The following STAP1 variants were observed in gnomAD, a reference collection of about 807,000 sequenced individuals.
STAP1 encodes signal-transducing adaptor protein 1.
In STAP1, 30 loss-of-function variants were observed where a neutral mutation model predicts 37.8. The observed-to-expected ratio is 0.79, with a 90% CI of 0.59 to 1.08. The LOEUF (loss-of-function observed/expected upper bound fraction) is 1.08, where lower values mean the gene tolerates loss of function less well. Among genes scored for constraint, STAP1 ranks in the 50% least tolerant of loss-of-function variants. The probability of loss-of-function intolerance (pLI) is 0.00; values close to 1 mark genes in which losing one functional copy is unlikely to be tolerated. For missense variants in STAP1, 357 were observed against 349.4 expected, an observed-to-expected ratio of 1.02 and a Z score of -0.17; for synonymous variants, 130 against 116.0, an observed-to-expected ratio of 1.12 and a Z score of -0.78.
chr4:67,558,965 T>C (rs1320836966), intron 1 of STAP1, 36 bp downstream of exon 1: 1 of 1,523,166 alleles, frequency 6.6e-7, no homozygotes, highest in African/African-American at 1.4e-5. Context: ...ACCTAAGACT[T>C]CTGTTTTAAT....
chr4:67,592,191 G>A (rs531346400), intron 7 of STAP1, among the ~76,000 whole-genome samples: 90 of 152,016 alleles, frequency 5.9e-4, no homozygotes, highest in African/African-American at 2.1e-3. Flanking sequence ...GCTGTTCACA[G>A]GCACAATCAT....
intron 4 of STAP1, among the ~76,000 whole-genome samples, chr4:67,577,651 CT>C (rs71219058): frequency 2.3e-4 from 21 of 91,576 alleles, no homozygotes; most frequent in African/African-American, 5.6e-4. Context: ...TTCTTTCTTT[CT>C]TTTTTTTTTT....
At chr4:67,601,782 A>G (rs746484699) in intron 8 of STAP1, among the ~76,000 whole-genome samples, 2 of 152,040 alleles carry the variant, frequency 1.3e-5, no homozygotes, top group Non-Finnish European at 2.9e-5. Flanking sequence ...TAATTTCTTT[A>G]TCCCATCCTT....
intron 8 of STAP1, among the ~76,000 whole-genome samples, chr4:67,601,540 C>T (rs1242435927): frequency 6.6e-6 from 1 of 152,172 alleles, no homozygotes; most frequent in African/African-American, 2.4e-5. Context: ...TAGGACAGGT[C>T]TGGTATTGAT....
rs1156670262 is a variant in STAP1 at position 67,606,901 on chromosome 4, T to A, written c.*544T>A. The A allele has an allele frequency of 6.6e-6, 1 of 152,224 alleles. No individual in the cohort carries two copies. Among genetic ancestry groups the A allele is most frequent in the South Asian group, 2.1e-4 (1 of 4,834 alleles). The allele number at this position is 152,224 out of a possible 1,614,324, so 9.4% of individuals were successfully genotyped here. The stretch of plus-strand genomic sequence containing the variant: ...ATAAATGTCTTCATTCCCATGTTTT[T>A]CCCTGGTGTCATCTTTTTGCCACTC... On this transcript the variant is annotated 3_prime_UTR_variant, in exon 9 of 9. Coordinates refer to ENST00000265404, the MANE Select transcript of STAP1 (RefSeq NM_012108.4).
At chr4:67,588,705 G>A (rs1302369489) in intron 6 of STAP1, among the ~76,000 whole-genome samples, 1 of 152,084 alleles carries the variant, frequency 6.6e-6, no homozygotes, top group African/African-American at 2.4e-5. Context: ...CACTGCGCCC[G>A]GCCAATATGA....
rs142241976 is a variant in STAP1, at chr4:67,597,691, T to C, written c.826+4335T>C. Reference sequence around the variant, plus strand: ...TGTGAGACATGGAGTCAAAGAAGATTATTTTGGAGCTTTAAGATTTAATAA... The same window carrying C: ...TGTGAGACATGGAGTCAAAGAAGATCATTTTGGAGCTTTAAGATTTAATAA... On this transcript the variant is annotated intron_variant, in intron 8 of 8. Transcript: ENST00000265404. Among the ~76,000 whole-genome samples the C allele has an allele frequency of 5.6e-3, 848 of 152,312 alleles. 8 individuals carry two copies. The highest frequency in any genetic ancestry group is 0.019 in the African/African-American group (792 of 41,556).
intron 6 of STAP1, among the ~76,000 whole-genome samples, chr4:67,586,080 AG>A (rs1369020173): frequency 5.9e-5 from 9 of 152,064 alleles, no homozygotes; most frequent in Non-Finnish European, 1.2e-4. Flanking sequence ...GGTCAGATTG[AG>A]TGGTTGATAC....
intron 1 of STAP1, among the ~76,000 whole-genome samples, chr4:67,568,754 G>A (rs6826522): frequency 0.57 from 86,818 of 151,490 alleles, 25,675 homozygotes; most frequent in Non-Finnish European, 0.63. Flanking sequence ...CTGAACCCCA[G>A]CTATGAGCCA....
chr4:67,587,671 A>G (rs1006825741), intron 6 of STAP1, among the ~76,000 whole-genome samples: 5 of 152,078 alleles, frequency 3.3e-5, no homozygotes, highest in African/African-American at 1.2e-4. Context: ...TCAGAAGCTA[A>G]GAACAAGTAT....
chr4:67,566,211 G>A (rs1249080817), intron 1 of STAP1, among the ~76,000 whole-genome samples: 4 of 151,996 alleles, frequency 2.6e-5, no homozygotes, highest in Non-Finnish European at 1.5e-5. Context: ...GCCTCCCAAA[G>A]TACTGCGACG....
chr4:67,575,581 A>G, intron 3 of STAP1, 83 bp downstream of exon 3: 1 of 996,650 alleles, frequency 1.0e-6, no homozygotes, highest in Middle Eastern at 2.1e-4. Flanking sequence ...GTAAAGAGAA[A>G]TTGTAAGACA....
At chr4:67,594,680 ACTCT>A (rs1415546259) in intron 8 of STAP1, among the ~76,000 whole-genome samples, 2 of 151,832 alleles carry the variant, frequency 1.3e-5, no homozygotes, top group Non-Finnish European at 2.9e-5. Context: ...TCAGTTTTTT[ACTCT>A]CTGTCATCTA....
chr4:67,582,693 T>A (rs1727891536), intron 5 of STAP1, among the ~76,000 whole-genome samples: 1 of 152,170 alleles, frequency 6.6e-6, no homozygotes, highest in Admixed American at 6.5e-5. Context: ...GTGGTCTGTA[T>A]AAGTTGAACA....
At chr4:67,606,251 A>G in intron 8 of STAP1, 45 bp from the exon 9 acceptor site, 1 of 1,512,660 alleles carries the variant, frequency 6.6e-7, no homozygotes, top group East Asian at 2.3e-5. Flanking sequence ...ACCGTTTTCT[A>G]CAATATTGGT....
intron 6 of STAP1, among the ~76,000 whole-genome samples, chr4:67,589,998 C>T (rs1728086556): frequency 1.3e-5 from 2 of 151,972 alleles, no homozygotes; most frequent in African/African-American, 4.8e-5. Context: ...GAGATGGGGT[C>T]TCATTATGTT....
intron 2 of STAP1, among the ~76,000 whole-genome samples, chr4:67,571,475 G>C (rs1727605190): frequency 6.6e-6 from 1 of 152,110 alleles, no homozygotes; most frequent in African/African-American, 2.4e-5. Flanking sequence ...CCAAGTGATA[G>C]CTTCAATTTC....
chr4:67,565,194 A>G (rs1384241420), intron 1 of STAP1, among the ~76,000 whole-genome samples: 1 of 152,212 alleles, frequency 6.6e-6, no homozygotes, highest in Non-Finnish European at 1.5e-5. Flanking sequence ...AGAAAGTACA[A>G]GTATTTTTTA....
intron 4 of STAP1, among the ~76,000 whole-genome samples, chr4:67,579,253 G>A (rs374170958): frequency 7.9e-5 from 12 of 152,204 alleles, no homozygotes; most frequent in African/African-American, 2.7e-4. Context: ...AACATTTACA[G>A]TATGTTGTTA....
Sources: gnomAD v4.1 joint callset for allele counts (sites outside exome capture counted in the v4.1 genomes callset) on GRCh38, gnomAD v4.1.1 for gene constraint, MANE v1.5 for transcripts, NCBI Gene and HGNC (gene_info 2026-07-23, HGNC 2026-07-21) for gene names.